Variants in MARCHF1 observed in about 807,000 individuals in gnomAD.
The protein encoded by MARCHF1 is membrane associated ring-CH-type finger 1.
A neutral mutation model predicts 54.2 loss-of-function variants in MARCHF1; 40 were observed. That is an observed-to-expected ratio of 0.74 (90% confidence interval 0.57 to 0.96). The LOEUF is 0.96. Among genes scored for constraint, MARCHF1 ranks in the 40% least tolerant of loss-of-function variants. The pLI, the probability that MARCHF1 is intolerant of heterozygous loss-of-function variation, is 0.00. For synonymous variants in MARCHF1, 236 were observed against 236.3 expected (o/e 1.00, Z 0.01); for missense variants, 586 against 656.5 (o/e 0.89, Z 1.17).
intron 5 of MARCHF1, among the ~76,000 whole-genome samples, chr4:163,614,489 T>A (rs896972998): frequency 3.3e-5 from 5 of 152,076 alleles, no homozygotes; most frequent in African/African-American, 9.7e-5. Context: ...AATGCACAAT[T>A]TCGTCACCAA....
rs1554002572 is a variant in MARCHF1 at position 164,340,405 on chromosome 4, T to TTATATATATATATATATATATATATA, written c.-323+43464_-323+43465insTATATATATATATATATATATATATA. On this transcript the variant is annotated intron_variant, in intron 1 of 9. Coordinates refer to ENST00000514618, the MANE Select transcript of MARCHF1 (RefSeq NM_001394959.1). ...ACAGCACATGCCACCAGGCCTTGAT[T>TTATATATATATATATATATATATATA]TATATATAGATATATATATATATAT... Among the ~76,000 whole-genome samples, 117 of 95,576 alleles carry TTATATATATATATATATATATATATA rather than the reference T, an allele frequency of 1.2e-3. 3 individuals are homozygous for TTATATATATATATATATATATATATA. Among genetic ancestry groups the TTATATATATATATATATATATATATA allele is most frequent in the Non-Finnish European group, 2.0e-3 (93 of 45,898 alleles). The allele number at this position is 95,576 out of a possible 152,430, so 62.7% of individuals were successfully genotyped here.
chr4:164,300,139 A>G (rs945104686), intron 1 of MARCHF1, among the ~76,000 whole-genome samples: 2 of 152,056 alleles, frequency 1.3e-5, no homozygotes, highest in Non-Finnish European at 2.9e-5. Flanking sequence ...ATTCAATTCT[A>G]AAGTCTCTTC....
chr4:163,624,515 C>G (rs1340243860), intron 5 of MARCHF1, among the ~76,000 whole-genome samples: 1 of 152,176 alleles, frequency 6.6e-6, no homozygotes, highest in Admixed American at 6.5e-5. Flanking sequence ...CCCAAATAAA[C>G]TACTTGTAAA....
intron 1 of MARCHF1, among the ~76,000 whole-genome samples, chr4:164,148,560 T>C (rs575406233): frequency 6.6e-6 from 1 of 152,272 alleles, no homozygotes; most frequent in East Asian, 1.9e-4. Flanking sequence ...GCACAGTTTC[T>C]TCTGTTTTCC....
intron 1 of MARCHF1, among the ~76,000 whole-genome samples, chr4:164,166,074 G>T (rs1224868005): frequency 6.6e-6 from 1 of 152,092 alleles, no homozygotes; most frequent in African/African-American, 2.4e-5. Flanking sequence ...GAGACTGATA[G>T]ACTCAGCTTT....
chr4:163,561,733 A>T (rs1739474852), intron 8 of MARCHF1, among the ~76,000 whole-genome samples: 1 of 152,176 alleles, frequency 6.6e-6, no homozygotes, highest in East Asian at 1.9e-4. Flanking sequence ...TTGTTTGTGT[A>T]GTTACTATTT....
intron 5 of MARCHF1, among the ~76,000 whole-genome samples, chr4:163,653,973 C>T (rs1247381403): frequency 6.6e-5 from 10 of 151,650 alleles, no homozygotes; most frequent in Non-Finnish European, 1.5e-5. Context: ...GACAAAGATA[C>T]ATCCCAATGC....
intron 2 of MARCHF1, among the ~76,000 whole-genome samples, chr4:164,022,206 G>A (rs536297017): frequency 9.2e-5 from 14 of 152,044 alleles, no homozygotes; most frequent in Non-Finnish European, 1.9e-4. Context: ...CTTCATAACT[G>A]TACTGTTCAA....
At chr4:163,746,458 G>A (rs1205396080) in intron 4 of MARCHF1, among the ~76,000 whole-genome samples, 4 of 152,124 alleles carry the variant, frequency 2.6e-5, no homozygotes, top group Non-Finnish European at 5.9e-5. Flanking sequence ...GCATAAAGCT[G>A]ACACAAACAT....
chr4:164,144,584 C>T (rs1338141144), intron 1 of MARCHF1, among the ~76,000 whole-genome samples: 7 of 150,876 alleles, frequency 4.6e-5, no homozygotes, highest in African/African-American at 9.8e-5. Context: ...GGGTACATAA[C>T]GAAATGAAGG....
At chr4:163,594,759 A>ACACACACACACACACACACAC (rs1560962635) in intron 7 of MARCHF1, among the ~76,000 whole-genome samples, 6 of 65,612 alleles carry the variant, frequency 9.1e-5, no homozygotes, top group African/African-American at 2.4e-4. Flanking sequence ...TCAAAACACA[A>ACACACACACACACACACACAC]ACACACACAC....
intron 3 of MARCHF1, among the ~76,000 whole-genome samples, chr4:163,981,134 C>A (rs1752754370): frequency 6.6e-6 from 1 of 152,030 alleles, no homozygotes; most frequent in South Asian, 2.1e-4. Context: ...CAGTGGTTTC[C>A]AGGTGCCAGA....
intron 3 of MARCHF1, among the ~76,000 whole-genome samples, chr4:163,981,519 C>G (rs1050193487): frequency 6.6e-6 from 1 of 151,956 alleles, no homozygotes; most frequent in South Asian, 2.1e-4. Flanking sequence ...GAATGAGAAT[C>G]GAATAGATGT....
chr4:163,975,405 G>A (rs1428164344), intron 3 of MARCHF1, among the ~76,000 whole-genome samples: 3 of 152,030 alleles, frequency 2.0e-5, no homozygotes, highest in African/African-American at 4.8e-5. Flanking sequence ...AGATACAACT[G>A]GAGAGACAAA....
chr4:163,882,306 T>C (rs530383541), intron 3 of MARCHF1, among the ~76,000 whole-genome samples: 28 of 152,316 alleles, frequency 1.8e-4, no homozygotes, highest in African/African-American at 6.3e-4. Context: ...AAAGATGACA[T>C]AGAAATTCTA....
intron 2 of MARCHF1, among the ~76,000 whole-genome samples, chr4:164,041,594 G>A (rs1352757057): frequency 1.3e-5 from 2 of 152,102 alleles, no homozygotes; most frequent in African/African-American, 4.8e-5. Flanking sequence ...ATATTTAAAT[G>A]CATGTTAGCT....
At chr4:163,687,762 G>A (rs897702649) in intron 5 of MARCHF1, among the ~76,000 whole-genome samples, 50 of 152,220 alleles carry the variant, frequency 3.3e-4, no homozygotes, top group African/African-American at 1.1e-3. Context: ...TCTTATTTCA[G>A]TAGAAAGACA....
At chr4:164,113,402 T>G (rs1202444830) in intron 1 of MARCHF1, among the ~76,000 whole-genome samples, 1 of 151,926 alleles carries the variant, frequency 6.6e-6, no homozygotes, top group Non-Finnish European at 1.5e-5. Context: ...TTCTAACATT[T>G]ACATCCTTTT....
At chr4:163,963,261 TTCA>T (rs1266620989) in intron 3 of MARCHF1, among the ~76,000 whole-genome samples, 1 of 151,880 alleles carries the variant, frequency 6.6e-6, no homozygotes, top group Non-Finnish European at 1.5e-5. Context: ...ACAAAAATGC[TTCA>T]TCAATATAAG....
Sources: gnomAD v4.1 joint callset for allele counts (sites outside exome capture counted in the v4.1 genomes callset) on GRCh38, gnomAD v4.1.1 for gene constraint, MANE v1.5 for transcripts, NCBI Gene and HGNC (gene_info 2026-07-23, HGNC 2026-07-21) for gene names.